MYO16: variants seen among roughly 807,000 people sequenced by gnomAD.
MYO16 encodes the protein myosin XVI, also known as unconventional myosin-XVI.
MYO16 carries 94 observed loss-of-function variants against 205.3 expected under a neutral mutation model. The observed-to-expected ratio is 0.46, with a 90% confidence interval of 0.39 to 0.54. MYO16 has a LOEUF of 0.54. MYO16 is among the 20% of genes least tolerant of loss of function. The pLI, the probability that MYO16 is intolerant of heterozygous loss-of-function variation, is 0.00. For missense variants in MYO16, 2,315 were observed against 2,387.5 expected (o/e 0.97, Z 0.63); for synonymous variants, 988 against 954.0 (o/e 1.04, Z -0.66).
chr13:108,758,015 A>T (rs1357025096), intron 4 of MYO16, among the ~76,000 whole-genome samples: 1 of 152,170 alleles, frequency 6.6e-6, no homozygotes, highest in Non-Finnish European at 1.5e-5. Context: ...GTGAGGATAG[A>T]GGCCTTCTAA....
At chr13:109,079,979 G>C (rs1044313270) in intron 27 of MYO16, among the ~76,000 whole-genome samples, 3 of 150,428 alleles carry the variant, frequency 2.0e-5, no homozygotes, top group African/African-American at 7.3e-5. Flanking sequence ...GGGTTCAAGC[G>C]ATTCTCCTGC....
intron 16 of MYO16, among the ~76,000 whole-genome samples, chr13:108,956,870 G>A (rs1883369342): frequency 6.6e-6 from 1 of 151,988 alleles, no homozygotes; most frequent in Non-Finnish European, 1.5e-5. Flanking sequence ...CTGTTGTTGA[G>A]TCCTTTTCCT....
intron 27 of MYO16, among the ~76,000 whole-genome samples, chr13:109,084,111 C>G (rs561979637): frequency 2.6e-5 from 4 of 152,100 alleles, no homozygotes; most frequent in Non-Finnish European, 5.9e-5. Context: ...TCTTTTAATA[C>G]CATCCAATCT....
intron 28 of MYO16, among the ~76,000 whole-genome samples, chr13:109,104,548 G>A (rs770546107): frequency 4.0e-4 from 61 of 152,106 alleles, no homozygotes; most frequent in Non-Finnish European, 7.2e-4. Context: ...GAAAGGAGAC[G>A]ATAGAGAAGG....
chr13:108,832,141 T>C (rs890190848), intron 9 of MYO16, among the ~76,000 whole-genome samples: 25 of 87,508 alleles, frequency 2.9e-4, no homozygotes, highest in African/African-American at 9.2e-4. Context: ...ATGTTCCGTA[T>C]GGATTTTTTT....
intron 2 of MYO16, among the ~76,000 whole-genome samples, chr13:108,707,827 G>GT (rs1317285487): frequency 1.3e-5 from 2 of 152,124 alleles, no homozygotes; most frequent in Non-Finnish European, 1.5e-5. Flanking sequence ...GTGTGCATGT[G>GT]TTTTTTTAAA....
chr13:108,644,377 TATC>T (rs1880649524), intron 1 of MYO16, among the ~76,000 whole-genome samples: 2 of 148,408 alleles, frequency 1.3e-5, no homozygotes, highest in Non-Finnish European at 3.0e-5. Context: ...TCTATCTATC[TATC>T]TATCTATCTA....
intron 16 of MYO16, among the ~76,000 whole-genome samples, chr13:108,955,401 C>T (rs1040249520): frequency 2.0e-5 from 3 of 152,226 alleles, no homozygotes; most frequent in East Asian, 3.9e-4. Context: ...GTTCTTCCAC[C>T]ATCAGCCGAG....
chr13:108,702,932 A>G (rs865913022), intron 2 of MYO16, among the ~76,000 whole-genome samples: 1 of 152,068 alleles, frequency 6.6e-6, no homozygotes, highest in African/African-American at 2.4e-5. Context: ...AAAATAAATA[A>G]TATATGAAAA....
chr13:108,644,362 G>GTCTGTCTATCTA (rs1162945930), intron 1 of MYO16, among the ~76,000 whole-genome samples: 1 of 148,004 alleles, frequency 6.8e-6, no homozygotes, highest in Admixed American at 6.8e-5. Flanking sequence ...CTGTCTGTCT[G>GTCTGTCTATCTA]TCTATCTATC....
At chr13:108,758,714 G>T (rs1021206491) in intron 4 of MYO16, among the ~76,000 whole-genome samples, 3 of 152,148 alleles carry the variant, frequency 2.0e-5, no homozygotes, top group Non-Finnish European at 2.9e-5. Flanking sequence ...TGGCATGTTT[G>T]TTAATAGATC....
At chr13:108,519,730 C>G in the MYO16 span, among the ~76,000 whole-genome samples, 1 of 151,728 alleles carries the variant, frequency 6.6e-6, no homozygotes, top group African/African-American at 2.4e-5. Context: ...CAAAGGCTAT[C>G]TAAGCATTAT....
intron 27 of MYO16, among the ~76,000 whole-genome samples, chr13:109,066,176 A>G (rs914703097): frequency 2.0e-5 from 3 of 152,230 alleles, no homozygotes; most frequent in South Asian, 4.1e-4. Flanking sequence ...GCTAACGGAC[A>G]GTGGCTACCC....
At chr13:108,803,071 A>G (rs1432565062) in intron 6 of MYO16, among the ~76,000 whole-genome samples, 2 of 152,184 alleles carry the variant, frequency 1.3e-5, no homozygotes, top group Non-Finnish European at 2.9e-5. Context: ...TATATTTTAC[A>G]TATCTTAAAC....
At chr13:108,966,703 A>G (rs550584945) in intron 20 of MYO16, among the ~76,000 whole-genome samples, 9 of 152,310 alleles carry the variant, frequency 5.9e-5, no homozygotes, top group Admixed American at 6.5e-5. Flanking sequence ...CGTAACTCCC[A>G]TATTTTCTTC....
chr13:108,888,159 G>A (rs892809803), intron 13 of MYO16, among the ~76,000 whole-genome samples: 1 of 151,944 alleles, frequency 6.6e-6, no homozygotes, highest in African/African-American at 2.4e-5. Context: ...ACATATACTG[G>A]GTATTTCAGA....
At chr13:108,914,633 G>C (rs1881408264) in intron 16 of MYO16, among the ~76,000 whole-genome samples, 1 of 152,156 alleles carries the variant, frequency 6.6e-6, no homozygotes, top group Non-Finnish European at 1.5e-5. Context: ...CCTCCAGAGA[G>C]AAGAAAACAT....
rs535147386 is a variant in MYO16, at chr13:109,207,628, C to G, written c.*792C>G. 3.9e-5 allele frequency: 6 copies of G among 152,320 alleles called. No individual in the cohort carries two copies. The South Asian group carries it at 1.2e-3, about 32-fold the overall frequency. 9.4% of individuals were successfully genotyped at this position (152,320 alleles called of 1,614,324 possible). On this transcript the variant is annotated 3_prime_UTR_variant, in exon 35 of 35. Transcript: ENST00000457511. ...TTAGTTAAATTTCACCTCCCGACTT[C>G]AGCATAGATCACAGGAAATCACATG...
intron 4 of MYO16, among the ~76,000 whole-genome samples, chr13:108,732,865 G>T (rs1002949260): frequency 6.6e-6 from 1 of 152,136 alleles, no homozygotes; most frequent in Non-Finnish European, 1.5e-5. Flanking sequence ...AGGCAGAGTT[G>T]TCTGTATTTT....
Sources: gnomAD v4.1 joint callset for allele counts (sites outside exome capture counted in the v4.1 genomes callset) on GRCh38, gnomAD v4.1.1 for gene constraint, MANE v1.5 for transcripts, NCBI Gene and HGNC (gene_info 2026-07-23, HGNC 2026-07-21) for gene names.